The following KIAA1217 variants were observed in gnomAD, a reference collection of about 807,000 sequenced individuals.
KIAA1217 encodes sickle tail protein homolog.
Under a neutral mutation model 163.9 loss-of-function variants are expected in KIAA1217, and 88 were observed. The observed-to-expected ratio is 0.54, with a 90% CI of 0.45 to 0.64. The LOEUF (loss-of-function observed/expected upper bound fraction) is 0.64, where lower values mean the gene tolerates loss of function less well. KIAA1217 is among the 30% of genes least tolerant of loss of function. The pLI is 0.00. For synonymous variants in KIAA1217, 903 were observed against 923.1 expected, an observed-to-expected ratio of 0.98 and a Z score of 0.39; for missense variants, 2,372 against 2,475.0, an observed-to-expected ratio of 0.96 and a Z score of 0.88.
chr10:24,494,363 A>C (rs1339551493), intron 6 of KIAA1217, 137 bp from the exon 7 acceptor site: 1 of 677,854 alleles, frequency 1.5e-6, no homozygotes, highest in Admixed American at 2.8e-5. Context: ...GCGGCTCTTC[A>C]TGTTCCTGAG....
At chr10:24,203,531 TC>T (rs1226935203) in intron 2 of KIAA1217, among the ~76,000 whole-genome samples, 2 of 151,906 alleles carry the variant, frequency 1.3e-5, no homozygotes, top group Non-Finnish European at 1.5e-5. Flanking sequence ...CTTGATTGGT[TC>T]CCCTTCCTTC....
chr10:24,332,200 TGAG>T (rs2045769010), intron 2 of KIAA1217, among the ~76,000 whole-genome samples: 1 of 152,114 alleles, frequency 6.6e-6, no homozygotes, highest in Non-Finnish European at 1.5e-5. Context: ...GTAAGAGAAA[TGAG>T]GAGAAGAGCT....
chr10:24,195,128 C>A (rs1034187744), intron 2 of KIAA1217, among the ~76,000 whole-genome samples: 1 of 152,136 alleles, frequency 6.6e-6, no homozygotes, highest in Non-Finnish European at 1.5e-5. Flanking sequence ...GACTCTCTCT[C>A]TGGGCTGGGG....
intron 1 of KIAA1217, among the ~76,000 whole-genome samples, chr10:23,998,331 G>A (rs10741035): frequency 0.61 from 92,997 of 151,982 alleles, 28,925 homozygotes; most frequent in Middle Eastern, 0.79. Flanking sequence ...TGCAGAAAAG[G>A]ACCCCAAGAG....
At chr10:24,140,089 G>T (rs1047297678) in intron 2 of KIAA1217, among the ~76,000 whole-genome samples, 6 of 151,900 alleles carry the variant, frequency 3.9e-5, no homozygotes, top group Non-Finnish European at 7.4e-5. Flanking sequence ...GCCGGGCACA[G>T]TGGCTCACAC....
At chr10:23,879,556 G>T (rs1267416534) in intron 1 of KIAA1217, among the ~76,000 whole-genome samples, 1 of 151,890 alleles carries the variant, frequency 6.6e-6, no homozygotes, top group Non-Finnish European at 1.5e-5. Flanking sequence ...TTTACAAGTT[G>T]GGTCTTTGGT....
chr10:24,247,523 G>A (rs1472352457), intron 2 of KIAA1217, among the ~76,000 whole-genome samples: 17 of 152,226 alleles, frequency 1.1e-4, no homozygotes, highest in African/African-American at 1.9e-4. Context: ...CAGGCTGGGC[G>A]TGGTGGCTCA....
At chr10:23,704,172 G>GTGTGTGTGTGTATATATATATATA (rs1229370789) in intron 1 of KIAA1217, among the ~76,000 whole-genome samples, 1 of 39,948 alleles carries the variant, frequency 2.5e-5, no homozygotes, top group African/African-American at 1.3e-4. Context: ...GTGTGTGTGT[G>GTGTGTGTGTGTATATATATATATA]TATATATATA....
chr10:23,858,537 A>G (rs1839810049), intron 1 of KIAA1217, among the ~76,000 whole-genome samples: 1 of 152,098 alleles, frequency 6.6e-6, no homozygotes, highest in Non-Finnish European at 1.5e-5. Flanking sequence ...TCTATAGCAG[A>G]TATCAGTATC....
rs1554861323 is a variant in KIAA1217, at chr10:24,088,256, C to CATATACATATATATATATATATATAT, written c.-171+80887_-171+80888insCATATATATATATATATATATATATA. Among the ~76,000 whole-genome samples the CATATACATATATATATATATATATAT allele has an allele frequency of 1.4e-3, 134 of 95,794 alleles. 5 individuals are homozygous for CATATACATATATATATATATATATAT. The highest frequency in any genetic ancestry group is 4.3e-3 in the African/African-American group (127 of 29,748). 62.8% of individuals were successfully genotyped at this position (95,794 alleles called of 152,430 possible). A position where few individuals can be genotyped will look rare whatever the true frequency, so the allele number is the denominator to read the frequency against. ...TCCCAGGCTCTGTTTTTTTAATATACATATATATATATATATATACACACA... is the reference window on the plus strand; with the variant it reads ...TCCCAGGCTCTGTTTTTTTAATATACATATACATATATATATATATATATATATATATATATATATATATACACACA... On this transcript the variant is annotated intron_variant, in intron 2 of 18. Coordinates refer to the KIAA1217 transcript ENST00000376462.
At chr10:24,513,926 A>G (rs2069617851) in intron 10 of KIAA1217, among the ~76,000 whole-genome samples, 2 of 152,176 alleles carry the variant, frequency 1.3e-5, no homozygotes, top group Non-Finnish European at 2.9e-5. Context: ...ATTAAAACTA[A>G]TGGCCAAAAT....
chr10:24,051,685 G>C (rs1225784136), intron 2 of KIAA1217, among the ~76,000 whole-genome samples: 1 of 152,090 alleles, frequency 6.6e-6, no homozygotes, highest in African/African-American at 2.4e-5. Flanking sequence ...TTGTGGTTTT[G>C]ATTTGCATTT....
chr10:23,919,537 C>T (rs1842768124), intron 1 of KIAA1217, among the ~76,000 whole-genome samples: 1 of 140,876 alleles, frequency 7.1e-6, no homozygotes, highest in South Asian at 2.3e-4. Flanking sequence ...GCCCGTGAGG[C>T]AGAGATTGCA....
chr10:24,360,599 G>T (rs1054096850), intron 2 of KIAA1217, among the ~76,000 whole-genome samples: 1 of 152,146 alleles, frequency 6.6e-6, no homozygotes, highest in African/African-American at 2.4e-5. Context: ...GATGAAGATG[G>T]ACCAAAAGCA....
At chr10:24,106,193 C>A (rs990712945) in intron 2 of KIAA1217, among the ~76,000 whole-genome samples, 4 of 152,108 alleles carry the variant, frequency 2.6e-5, no homozygotes, top group Non-Finnish European at 5.9e-5. Flanking sequence ...TCCTTGGTAA[C>A]AGGACCCTGA....
At chr10:24,044,880 C>T (rs1231091533) in intron 2 of KIAA1217, among the ~76,000 whole-genome samples, 1 of 151,982 alleles carries the variant, frequency 6.6e-6, no homozygotes, top group Admixed American at 6.6e-5. Context: ...CATAGAACGC[C>T]CCTTTTTTTC....
intron 2 of KIAA1217, among the ~76,000 whole-genome samples, chr10:24,282,155 G>A (rs2078015847): frequency 6.6e-6 from 1 of 152,042 alleles, no homozygotes; most frequent in Non-Finnish European, 1.5e-5. Context: ...AGCTCTTGAA[G>A]CCAAGGGTTC....
chr10:24,071,626 G>A (rs2131629674), intron 2 of KIAA1217, among the ~76,000 whole-genome samples: 1 of 152,310 alleles, frequency 6.6e-6, no homozygotes, highest in South Asian at 2.1e-4. Flanking sequence ...TTGCCAAATG[G>A]TGAGTGAACG....
chr10:24,315,298 T>C (rs2043210567), intron 2 of KIAA1217, among the ~76,000 whole-genome samples: 1 of 151,956 alleles, frequency 6.6e-6, no homozygotes, highest in African/African-American at 2.4e-5. Context: ...TTTTCAAAGG[T>C]AAAAAGGAGC....
Sources: gnomAD v4.1 joint callset for allele counts (sites outside exome capture counted in the v4.1 genomes callset) on GRCh38, gnomAD v4.1.1 for gene constraint, MANE v1.5 for transcripts, NCBI Gene and HGNC (gene_info 2026-07-23, HGNC 2026-07-21) for gene names.